Variants in CSMD1 observed in about 807,000 individuals in gnomAD.
CSMD1 encodes the protein CUB and Sushi multiple domains 1.
In CSMD1, 213 loss-of-function variants were observed where a neutral mutation model predicts 417.5. The ratio of observed to expected loss-of-function variants is 0.51; its 90% CI spans 0.46 to 0.57. The LOEUF is 0.57. CSMD1 is among the 20% of genes least tolerant of loss of function. The probability of loss-of-function intolerance (pLI) is 0.00; values close to 1 mark genes in which losing one functional copy is unlikely to be tolerated. For missense variants in CSMD1, 6,923 were observed against 4,529.7 expected, an observed-to-expected ratio of 1.53 and a Z score of -15.17; for synonymous variants, 2,862 against 1,736.8, an observed-to-expected ratio of 1.65 and a Z score of -16.11.
At chr8:4,024,403 T>C (rs569886242) in intron 4 of CSMD1, among the ~76,000 whole-genome samples, 7 of 152,326 alleles carry the variant, frequency 4.6e-5, no homozygotes, top group African/African-American at 1.2e-4. Flanking sequence ...TTTACTTTCA[T>C]GGGAAAACTT....
intron 1 of CSMD1, among the ~76,000 whole-genome samples, chr8:4,879,163 T>A (rs1443725064): frequency 1.3e-5 from 2 of 151,722 alleles, no homozygotes; most frequent in Non-Finnish European, 2.9e-5. Context: ...AAAAATATAA[T>A]AAAGGAAGGA....
intron 2 of CSMD1, among the ~76,000 whole-genome samples, chr8:4,567,230 T>C (rs1445109144): frequency 1.3e-5 from 2 of 152,218 alleles, no homozygotes; most frequent in Non-Finnish European, 2.9e-5. Context: ...GGATTGAATA[T>C]AAGTGAGTGA....
chr8:3,041,963 G>T (rs73488410), intron 50 of CSMD1, among the ~76,000 whole-genome samples: 10,260 of 152,142 alleles, frequency 0.067, 1,134 homozygotes, highest in African/African-American at 0.23. Flanking sequence ...GTGATTATTG[G>T]CCACCCTTCA....
intron 1 of CSMD1, among the ~76,000 whole-genome samples, chr8:4,817,740 T>C (rs902197995): frequency 2.6e-5 from 4 of 152,184 alleles, no homozygotes; most frequent in South Asian, 2.1e-4. Flanking sequence ...CGAATTAATA[T>C]AATGCAGCTA....
At chr8:2,968,245 T>G (rs187373180) in intron 57 of CSMD1, among the ~76,000 whole-genome samples, 2 of 152,346 alleles carry the variant, frequency 1.3e-5, no homozygotes, top group Non-Finnish European at 2.9e-5. Context: ...AGGTACTGTG[T>G]GGATGGGCTA....
rs537587327 is a variant in CSMD1 at position 3,752,458 on chromosome 8, C to T, written c.931+1472G>A. Reference sequence around the variant, plus strand: ...TCATCTGAGGTCAGGAGTTCAAGACCAGCCTGGCCAACATGGCGAAACCCC... The same window carrying T: ...TCATCTGAGGTCAGGAGTTCAAGACTAGCCTGGCCAACATGGCGAAACCCC... On this transcript the variant is annotated intron_variant, in intron 6 of 69. Transcript: ENST00000635120. 2.6e-5 allele frequency among the ~76,000 whole-genome samples: 4 copies of T among 152,074 alleles called. No homozygotes were observed. The East Asian group carries it at 7.8e-4, about 30-fold the overall frequency.
intron 2 of CSMD1, among the ~76,000 whole-genome samples, chr8:4,632,236 G>A (rs916716374): frequency 6.6e-6 from 1 of 152,142 alleles, no homozygotes; most frequent in Non-Finnish European, 1.5e-5. Flanking sequence ...AACACTTATT[G>A]ACGATGTGAA....
chr8:3,369,584 C>T (rs988466255), intron 18 of CSMD1, among the ~76,000 whole-genome samples: 7 of 152,214 alleles, frequency 4.6e-5, no homozygotes, highest in African/African-American at 7.2e-5. Flanking sequence ...ACCTTGACAA[C>T]GTAACACAGA....
chr8:4,038,071 G>C (rs1585182066), intron 3 of CSMD1, among the ~76,000 whole-genome samples: 1 of 152,020 alleles, frequency 6.6e-6, no homozygotes, highest in South Asian at 2.1e-4. Flanking sequence ...AAAAAGTTTG[G>C]AAGTAAAATA....
chr8:4,712,337 C>G (rs1301269951), intron 1 of CSMD1, among the ~76,000 whole-genome samples: 1 of 152,134 alleles, frequency 6.6e-6, no homozygotes, highest in Non-Finnish European at 1.5e-5. Flanking sequence ...CACGCATTTC[C>G]AGAACGGAAA....
chr8:4,899,171 C>A (rs534129893), intron 1 of CSMD1, among the ~76,000 whole-genome samples: 1 of 152,150 alleles, frequency 6.6e-6, no homozygotes, highest in Non-Finnish European at 1.5e-5. Context: ...CTCTCAACTG[C>A]ATTTATATGT....
chr8:3,519,448 T>C (rs1436427448), intron 10 of CSMD1, among the ~76,000 whole-genome samples: 1 of 152,168 alleles, frequency 6.6e-6, no homozygotes, highest in Non-Finnish European at 1.5e-5. Context: ...AGTTTCTTGA[T>C]CATCTGAGAG....
intron 2 of CSMD1, among the ~76,000 whole-genome samples, chr8:4,476,669 G>A (rs999028932): frequency 6.6e-6 from 1 of 152,106 alleles, no homozygotes; most frequent in Non-Finnish European, 1.5e-5. Flanking sequence ...CAAGGCTGTG[G>A]ACTCCCAGGT....
rs1449868270 is a variant in CSMD1, at chr8:3,254,847, G to C, written c.4154-24616C>G. On this transcript the variant is annotated intron_variant, in intron 26 of 69. Coordinates refer to ENST00000635120, the MANE Select transcript of CSMD1 (RefSeq NM_033225.6). ...TCCTTTAGCTCGGGGTCGTTTGCTA[G>C]TCTGAAGCCTTCTTCTCTCAACTTG... Among the ~76,000 whole-genome samples the C allele has an allele frequency of 2.6e-5, 4 of 151,960 alleles. No individual in the cohort carries two copies. In the South Asian group the frequency reaches 6.2e-4, roughly 24 times the overall value.
At chr8:3,634,980 G>A (rs1313456271) in intron 7 of CSMD1, among the ~76,000 whole-genome samples, 1 of 151,864 alleles carries the variant, frequency 6.6e-6, no homozygotes, top group Non-Finnish European at 1.5e-5. Context: ...CTAACACAAT[G>A]GTAAGAAATT....
At chr8:4,106,196 C>G (rs939042665) in intron 3 of CSMD1, among the ~76,000 whole-genome samples, 1 of 152,128 alleles carries the variant, frequency 6.6e-6, no homozygotes, top group Non-Finnish European at 1.5e-5. Flanking sequence ...ACCCGGAGAT[C>G]TATGAGAGGA....
intron 1 of CSMD1, among the ~76,000 whole-genome samples, chr8:4,720,583 A>T (rs1302028571): frequency 1.3e-5 from 2 of 152,062 alleles, no homozygotes; most frequent in Non-Finnish European, 2.9e-5. Flanking sequence ...ATGCCAGGCT[A>T]ATTTCTGTAT....
intron 3 of CSMD1, among the ~76,000 whole-genome samples, chr8:4,224,681 T>G (rs1801238350): frequency 6.6e-6 from 1 of 152,232 alleles, no homozygotes; most frequent in South Asian, 2.1e-4. Context: ...CTGCTCAATT[T>G]CAGATGCATG....
intron 5 of CSMD1, among the ~76,000 whole-genome samples, chr8:3,773,621 A>G (rs567836670): frequency 3.3e-5 from 5 of 152,164 alleles, no homozygotes; most frequent in Non-Finnish European, 7.3e-5. Flanking sequence ...AAGTAAGTCC[A>G]GTGTAAACTA....
Sources: gnomAD v4.1 joint callset for allele counts (sites outside exome capture counted in the v4.1 genomes callset) on GRCh38, gnomAD v4.1.1 for gene constraint, MANE v1.5 for transcripts, NCBI Gene and HGNC (gene_info 2026-07-23, HGNC 2026-07-21) for gene names.